Variants in VTI1A observed in about 807,000 individuals in gnomAD.
VTI1A encodes the protein vesicle transport through interaction with t-SNAREs 1A, also known as vesicle transport through interaction with t-SNAREs homolog 1A.
VTI1A carries 22 observed loss-of-function variants against 34.9 expected under a neutral mutation model. The ratio of observed to expected loss-of-function variants is 0.63; its 90% CI spans 0.45 to 0.90. VTI1A has a LOEUF of 0.90. Among genes scored for constraint, VTI1A ranks in the 40% least tolerant of loss-of-function variants. VTI1A has a pLI of 0.00. For synonymous variants in VTI1A, 87 were observed against 97.3 expected (o/e 0.89, Z 0.62); for missense variants, 268 against 275.6 (o/e 0.97, Z 0.20).
At position 112,460,504 on chromosome 10, in the gene VTI1A, G is replaced by A. The variant is rs767356949; in HGVS notation, c.95-20G>A. On this transcript the variant is annotated intron_variant, in intron 1 of 7. Transcript: ENST00000393077. Reference sequence around the variant, plus strand: ...TTATTTGTATCTTTAGCAATTTCTTGGTATTATTGTTTGTTTCAGATGAAA... The same window carrying A: ...TTATTTGTATCTTTAGCAATTTCTTAGTATTATTGTTTGTTTCAGATGAAA... 2.1e-5 allele frequency: 33 copies of A among 1,577,728 alleles called. No homozygotes were observed. Among genetic ancestry groups the A allele is most frequent in the Non-Finnish European group, 2.8e-5 (33 of 1,168,590 alleles).
chr10:112,518,471 G>T (rs1362524094), intron 3 of VTI1A, among the ~76,000 whole-genome samples: 1 of 151,378 alleles, frequency 6.6e-6, no homozygotes, highest in African/African-American at 2.4e-5. Flanking sequence ...CACTTTGGGA[G>T]GCAGAGATAG....
chr10:112,488,585 G>T (rs1420431488), intron 3 of VTI1A, among the ~76,000 whole-genome samples: 2 of 152,162 alleles, frequency 1.3e-5, no homozygotes, highest in Admixed American at 6.5e-5. Flanking sequence ...ATTTGATTCT[G>T]TATTCAGCGT....
intron 7 of VTI1A, among the ~76,000 whole-genome samples, chr10:112,732,246 T>A (rs147426646): frequency 2.1e-4 from 32 of 152,334 alleles, no homozygotes; most frequent in African/African-American, 7.5e-4. Context: ...ACATCTGGCC[T>A]TTTTTGAGAG....
intron 5 of VTI1A, among the ~76,000 whole-genome samples, chr10:112,542,210 A>C (rs1253551663): frequency 2.0e-5 from 3 of 152,202 alleles, no homozygotes; most frequent in African/African-American, 7.2e-5. Context: ...ACAGGCTGAA[A>C]GAGAAATTGT....
At chr10:112,512,141 C>T (rs1457249308) in intron 3 of VTI1A, among the ~76,000 whole-genome samples, 1 of 152,168 alleles carries the variant, frequency 6.6e-6, no homozygotes, top group Non-Finnish European at 1.5e-5. Flanking sequence ...AATCTCCATA[C>T]TGTTTTTCAC....
chr10:112,517,437 T>A (rs975812578), intron 3 of VTI1A, among the ~76,000 whole-genome samples: 1 of 152,006 alleles, frequency 6.6e-6, no homozygotes, highest in African/African-American at 2.4e-5. Context: ...TCCTATGCAA[T>A]AGAATGCCAA....
intron 3 of VTI1A, among the ~76,000 whole-genome samples, chr10:112,490,794 A>G (rs1488208050): frequency 6.6e-6 from 1 of 152,124 alleles, no homozygotes; most frequent in Admixed American, 6.6e-5. Context: ...TTGGGTAAAC[A>G]TACTTCAGAT....
At chr10:112,531,943 G>T (rs998238027) in intron 4 of VTI1A, among the ~76,000 whole-genome samples, 2 of 152,134 alleles carry the variant, frequency 1.3e-5, no homozygotes, top group Non-Finnish European at 2.9e-5. Flanking sequence ...ATGAAAAGAT[G>T]ATTTACTTGT....
the VTI1A span, among the ~76,000 whole-genome samples, chr10:112,841,467 C>G: frequency 1.3e-5 from 2 of 152,136 alleles, no homozygotes; most frequent in Non-Finnish European, 2.9e-5. Context: ...AGTTTGGATA[C>G]AAAGAAATTA....
At chr10:112,748,429 G>T (rs950351312) in intron 7 of VTI1A, among the ~76,000 whole-genome samples, 1 of 152,048 alleles carries the variant, frequency 6.6e-6, no homozygotes, top group Non-Finnish European at 1.5e-5. Context: ...AACACATGTT[G>T]TCACATTACC....
intron 3 of VTI1A, among the ~76,000 whole-genome samples, chr10:112,493,986 A>G (rs578218619): frequency 7.9e-5 from 12 of 152,282 alleles, no homozygotes; most frequent in Admixed American, 4.6e-4. Context: ...CAAGTTAGGA[A>G]GTGTTTCTTC....
At chr10:112,626,416 A>ATT (rs35564698) in intron 5 of VTI1A, among the ~76,000 whole-genome samples, 119,971 of 151,792 alleles carry the variant, frequency 0.79, 48,379 homozygotes, top group African/African-American at 0.93. Flanking sequence ...TGAGATATAT[A>ATT]ATCAACATTC....
chr10:112,804,919 C>T (rs550077944), intron 7 of VTI1A, among the ~76,000 whole-genome samples: 4 of 123,766 alleles, frequency 3.2e-5, no homozygotes, highest in African/African-American at 1.2e-4. Context: ...GGAATGCAGT[C>T]GTGCGATCAC....
chr10:112,464,057 G>T (rs1295833257), intron 2 of VTI1A, among the ~76,000 whole-genome samples: 1 of 152,142 alleles, frequency 6.6e-6, no homozygotes, highest in Admixed American at 6.5e-5. Context: ...GGAGTGCAGT[G>T]GTGCAATCTC....
the VTI1A span, among the ~76,000 whole-genome samples, chr10:112,852,066 G>A: frequency 0.014 from 2,153 of 152,218 alleles, 19 homozygotes; most frequent in Middle Eastern, 0.017. Flanking sequence ...CTACCAGGAA[G>A]CTCTAAGCTA....
Position 112,571,632 on chromosome 10 carries a change from C to T in VTI1A, c.427+33302C>T, listed in dbSNP as rs147701507. ...ACCATTCCACCTGGCAATCCCATTA[C>T]TGGATATGTATATATCCAAAGGAAA... On this transcript the variant is annotated intron_variant, in intron 5 of 7. Transcript: ENST00000393077. Among the ~76,000 whole-genome samples, 242 of 152,238 alleles carry T rather than the reference C, an allele frequency of 1.6e-3. 1 individual carries two copies. The highest frequency in any genetic ancestry group is 6.8e-3 in the Middle Eastern group (2 of 294).
intron 5 of VTI1A, among the ~76,000 whole-genome samples, chr10:112,633,136 A>G (rs1035748806): frequency 1.3e-5 from 2 of 152,192 alleles, no homozygotes; most frequent in Admixed American, 6.5e-5. Flanking sequence ...CCTGACCAAC[A>G]TGGTGAGTCC....
chr10:112,752,234 G>A, intron 7 of VTI1A: 1 of 266,762 alleles, frequency 3.7e-6, no homozygotes, highest in Non-Finnish European at 5.8e-6. Flanking sequence ...ACTAAGCTGT[G>A]GTGAGACCCA....
At chr10:112,763,136 A>G (rs1851527908) in intron 7 of VTI1A, among the ~76,000 whole-genome samples, 1 of 151,988 alleles carries the variant, frequency 6.6e-6, no homozygotes, top group Admixed American at 6.6e-5. Context: ...CTTAAAATGT[A>G]CCACTGGGCC....
Sources: gnomAD v4.1 joint callset for allele counts (sites outside exome capture counted in the v4.1 genomes callset) on GRCh38, gnomAD v4.1.1 for gene constraint, MANE v1.5 for transcripts, NCBI Gene and HGNC (gene_info 2026-07-23, HGNC 2026-07-21) for gene names.